The following KMT2A variants were observed in gnomAD, a reference collection of about 807,000 sequenced individuals.
KMT2A encodes the protein lysine methyltransferase 2A.
A neutral mutation model predicts 345.3 loss-of-function variants in KMT2A; 16 were observed. The ratio of observed to expected loss-of-function variants is 0.05; its 90% confidence interval spans 0.03 to 0.07. The LOEUF (loss-of-function observed/expected upper bound fraction) is 0.07, where lower values mean the gene tolerates loss of function less well. Ranked by LOEUF, KMT2A falls within the 10% of genes least tolerant of loss-of-function variation. KMT2A has a pLI of 1.00. For missense variants in KMT2A, 3,272 were observed against 4,841.6 expected (o/e 0.68, Z 9.62); for synonymous variants, 1,599 against 1,778.6 (o/e 0.90, Z 2.54).
At position 118,471,705 on chromosome 11, in the gene KMT2A, C is replaced by T. The variant is rs782808474; in HGVS notation, c.546C>T (p.Gly182=). ...AACCTCGTGGGAGACCTAGAAGTGG[C>T]TCTGACCGAAATTCAGCTATCCTCT... ...PRKPRGRPRS[G]SDRNSAILSD... Residue 182 remains glycine, a synonymous_variant, in exon 3 of 36, where the codon GGC becomes GGT. Transcript: ENST00000534358. The T allele has an allele frequency of 6.2e-7, 1 of 1,602,314 alleles. No individual in the cohort carries two copies. The highest frequency in any genetic ancestry group is 8.5e-7 in the Non-Finnish European group (1 of 1,177,032).
chr11:118,436,698 CGCG>C lies in KMT2A; in HGVS notation c.200_202del (p.Ala67del), dbSNP rs781936420. 2.2e-3 allele frequency: 2,864 copies of C among 1,277,538 alleles called. 14 individuals are homozygous for C. Among genetic ancestry groups the C allele is most frequent in the South Asian group, 9.2e-3 (359 of 39,066 alleles). 79.1% of individuals were successfully genotyped at this position (1,277,538 alleles called of 1,614,324 possible). On this transcript the variant is annotated inframe_deletion, in exon 1 of 36. Coordinates refer to ENST00000534358, the MANE Select transcript of KMT2A (RefSeq NM_001197104.2). The surrounding 1 kb of genome is among the most constrained non-coding windows in gnomAD (Gnocchi z 6.9). ...CCCCCTCCCCCCCGGCTGTGGCGGC[CGCG>C]GCGGCGGCGGCGGGAAGCAGCGGGG...
At chr11:118,507,118 A>G (rs1169519275) in intron 27 of KMT2A, among the ~76,000 whole-genome samples, 3 of 152,126 alleles carry the variant, frequency 2.0e-5, no homozygotes, top group African/African-American at 7.2e-5. Context: ...GCAACATAGT[A>G]AGACCCTGTC....
intron 1 of KMT2A, among the ~76,000 whole-genome samples, chr11:118,464,262 G>A (rs1205582449): frequency 2.6e-5 from 4 of 152,240 alleles, no homozygotes; most frequent in East Asian, 1.9e-4. Flanking sequence ...TTGGCTGGGC[G>A]TGGTGGCTCA....
chr11:118,445,561 C>T (rs1949401018), intron 1 of KMT2A, among the ~76,000 whole-genome samples: 1 of 152,168 alleles, frequency 6.6e-6, no homozygotes, highest in African/African-American at 2.4e-5. Context: ...TGCTGGTCTA[C>T]AGAGATCAAT....
intron 1 of KMT2A, chr11:118,449,463 G>A (rs1419467896): frequency 4.0e-5 from 6 of 149,976 alleles, no homozygotes; most frequent in African/African-American, 1.5e-4. Context: ...CTGGCGCCTT[G>A]TAGTCCCAGC....
chr11:118,439,195 AT>A (rs1949265708), intron 1 of KMT2A: 8 of 398,630 alleles, frequency 2.0e-5, no homozygotes, highest in South Asian at 1.5e-4. Flanking sequence ...AAAAACTGAC[AT>A]TTCATTTACC....
chr11:118,448,471 G>A (rs574340225), intron 1 of KMT2A: 62 of 152,188 alleles, frequency 4.1e-4, no homozygotes, highest in African/African-American at 1.4e-3. Flanking sequence ...AGATATGTTG[G>A]GTTGCAGAAA....
intron 1 of KMT2A, among the ~76,000 whole-genome samples, chr11:118,456,936 T>C (rs977008698): frequency 3.3e-5 from 5 of 152,226 alleles, no homozygotes; most frequent in African/African-American, 1.2e-4. Context: ...AAGCCAGACA[T>C]CCACAAGTGT....
chr11:118,475,969 G>A lies in KMT2A; in HGVS notation c.3157-836G>A, dbSNP rs570231000. Among the ~76,000 whole-genome samples, 3 of 152,050 alleles carry A rather than the reference G, an allele frequency of 2.0e-5. No individual in the cohort carries two copies. The South Asian group carries it at 6.3e-4, about 32-fold the overall frequency. On this transcript the variant is annotated intron_variant, in intron 3 of 35. Coordinates refer to ENST00000534358, the MANE Select transcript of KMT2A (RefSeq NM_001197104.2). ...TGCCCAGGCTGGAGTGCAATGGCGT[G>A]ATCTTGGCTCACTGCAACGTCCGCC...
At chr11:118,445,926 C>G (rs1360162492) in intron 1 of KMT2A, among the ~76,000 whole-genome samples, 1 of 151,950 alleles carries the variant, frequency 6.6e-6, no homozygotes, top group Non-Finnish European at 1.5e-5. Flanking sequence ...ATCGCCTGAA[C>G]CCAGGAGGTG....
chr11:118,505,084 T>C lies in KMT2A; in HGVS notation c.9192T>C (p.Asn3064=). 2 of 1,614,140 alleles carry C rather than the reference T, an allele frequency of 1.2e-6. No individual in the cohort carries two copies. The highest frequency in any genetic ancestry group is 1.7e-6 in the Non-Finnish European group (2 of 1,180,018). ...GTCCTGGCCCGTCTCAGATTTCCAATGCAGCTGTCCAGACCACTCCACCCC... is the reference window on the plus strand; with the variant it reads ...GTCCTGGCCCGTCTCAGATTTCCAACGCAGCTGTCCAGACCACTCCACCCC... ...TDSPGPSQIS[N]AAVQTTPPHL... The change falls in exon 27 of 36, where the codon AAT becomes AAC. Residue 3064 remains asparagine, a synonymous_variant. Transcript: ENST00000534358. The surrounding 1 kb of genome is among the most constrained non-coding windows in gnomAD (Gnocchi z 4.6).
At chr11:118,464,564 G>C (rs1304854649) in intron 1 of KMT2A, among the ~76,000 whole-genome samples, 1 of 149,510 alleles carries the variant, frequency 6.7e-6, no homozygotes, top group Non-Finnish European at 1.5e-5. Flanking sequence ...AAAACCTAAA[G>C]TTGAGCAACT....
Position 118,498,168 on chromosome 11 carries a change from C to A in KMT2A, c.5802+95C>A. Reference sequence around the variant, plus strand: ...AATATGGCCTCCCTGATATTTTTCACAGTGCCATCAGGGTAGTTAGCCAAC... The same window carrying A: ...AATATGGCCTCCCTGATATTTTTCAAAGTGCCATCAGGGTAGTTAGCCAAC... On this transcript the variant is annotated intron_variant, in intron 21 of 35. Coordinates refer to ENST00000534358, the MANE Select transcript of KMT2A (RefSeq NM_001197104.2). This position sits in a 1 kb window ranked among gnomAD's most constrained non-coding sequence, Gnocchi z 4.4. The A allele has an allele frequency of 7.3e-7, 1 of 1,370,422 alleles. No individual in the cohort carries two copies. Among genetic ancestry groups the A allele is most frequent in the Non-Finnish European group, 1.0e-6 (1 of 979,058 alleles). The allele number at this position is 1,370,422 out of a possible 1,614,324, so 84.9% of individuals were successfully genotyped here.
rs1950607177 is a variant in KMT2A, at chr11:118,507,591, A to C, written c.10817A>C (p.Glu3606Ala). ...AGCGTGGAGCAGTCCTCCCAGAAGG[A>C]GTGTGGGCAACCTGCAGGGTAAGCT... ...TASVEQSSQK[E>A]CGQPAGQVAV... Residue 3606 changes from glutamate (E) to alanine (A), a missense_variant, in exon 28 of 36, where the codon GAG becomes GCG. Around this residue, in one of 27 missense-constraint regions of KMT2A, gnomAD observed 748 missense variants for 922.2 expected, o/e 0.81. Transcript: ENST00000534358. The C allele has an allele frequency of 1.2e-6, 2 of 1,613,830 alleles. No homozygotes were observed. Among genetic ancestry groups the C allele is most frequent in the African/African-American group, 2.7e-5 (2 of 74,930 alleles).
chr11:118,486,321 A>G (rs1399236507), intron 10 of KMT2A, among the ~76,000 whole-genome samples: 1 of 151,890 alleles, frequency 6.6e-6, no homozygotes, highest in Non-Finnish European at 1.5e-5. Context: ...AAGGATTCAC[A>G]CCAAAATATT....
In KMT2A at chr11:118,473,369, A is replaced by G. The variant is rs1949976942; in HGVS notation, c.2210A>G (p.Lys737Arg). Residue 737 changes from lysine (K) to arginine (R), a missense_variant, in exon 3 of 36, where the codon AAA becomes AGA. By Grantham distance (26) the Lys-to-Arg change is conservative (BLOSUM62 2). Around this residue, in one of 27 missense-constraint regions of KMT2A, gnomAD observed 114 missense variants for 203.2 expected, o/e 0.56. Coordinates refer to ENST00000534358, the MANE Select transcript of KMT2A (RefSeq NM_001197104.2). This position sits in a 1 kb window ranked among gnomAD's most constrained non-coding sequence, Gnocchi z 5.2. ...TCAGGAGTATCCAATAGAAAAAGGA[A>G]AAGAAAAGTGTTTAGTCCTATTCGA... ...SSSGVSNRKRKRKVFSPIRSE... is the reference protein window; with the variant it reads ...SSSGVSNRKRRRKVFSPIRSE... 8.1e-6 allele frequency: 13 copies of G among 1,614,078 alleles called. No individual in the cohort carries two copies. The highest frequency in any genetic ancestry group is 1.0e-5 in the Non-Finnish European group (12 of 1,179,990).
chr11:118,468,578 TTGTC>T (rs1353822078), intron 1 of KMT2A, among the ~76,000 whole-genome samples, 193 bp from the exon 2 acceptor site: 3 of 152,150 alleles, frequency 2.0e-5, no homozygotes, highest in African/African-American at 7.2e-5. Context: ...CAGCTCCTAT[TTGTC>T]TGTAATAAAG....
intron 28 of KMT2A, 92 bp downstream of exon 28, chr11:118,507,701 A>G: frequency 1.0e-6 from 1 of 994,212 alleles, no homozygotes; most frequent in Non-Finnish European, 1.6e-6. Context: ...GCAGTGGCTC[A>G]CGCCTGTAAT....
chr11:118,442,342 G>A (rs1408330324), intron 1 of KMT2A, among the ~76,000 whole-genome samples: 1 of 152,202 alleles, frequency 6.6e-6, no homozygotes, highest in Non-Finnish European at 1.5e-5. Context: ...ATTAAGAAAG[G>A]TTAAATTACT....
Sources: gnomAD v4.1 joint callset for allele counts (sites outside exome capture counted in the v4.1 genomes callset) on GRCh38, gnomAD v4.1.1 for gene constraint, gnomAD v4.1.1 regional missense constraint, Gnocchi (gnomAD v3.1) non-coding constraint, MANE v1.5 for transcripts, NCBI Gene and HGNC (gene_info 2026-07-23, HGNC 2026-07-21) for gene names.